THSD7B: variants seen among roughly 807,000 people sequenced by gnomAD.
THSD7B encodes thrombospondin type 1 domain containing 7B, also known as thrombospondin type-1 domain-containing protein 7B.
In THSD7B, 138 loss-of-function variants were observed where a neutral mutation model predicts 213.6. That is an observed-to-expected ratio of 0.65 (90% CI 0.56 to 0.74). THSD7B has a LOEUF of 0.74. Ranked by LOEUF, THSD7B falls within the 30% of genes least tolerant of loss-of-function variation. The pLI, the probability that THSD7B is intolerant of heterozygous loss-of-function variation, is 0.00. For missense variants in THSD7B, 1,931 were observed against 1,991.5 expected, an observed-to-expected ratio of 0.97 and a Z score of 0.58; for synonymous variants, 742 against 687.0, an observed-to-expected ratio of 1.08 and a Z score of -1.25.
At chr2:136,965,917 C>T (rs897137222) in intron 2 of THSD7B, among the ~76,000 whole-genome samples, 2 of 152,094 alleles carry the variant, frequency 1.3e-5, no homozygotes, top group Non-Finnish European at 2.9e-5. Flanking sequence ...TTTCCACTTT[C>T]CTAGATTGAG....
chr2:137,121,328 C>T (rs920068739), intron 5 of THSD7B, among the ~76,000 whole-genome samples: 1 of 152,102 alleles, frequency 6.6e-6, no homozygotes, highest in African/African-American at 2.4e-5. Flanking sequence ...GTAGAGGTTG[C>T]TCTGGGAAAA....
At chr2:137,610,988 T>TATA (rs1277675572) in intron 17 of THSD7B, among the ~76,000 whole-genome samples, 24 of 143,608 alleles carry the variant, frequency 1.7e-4, no homozygotes, top group African/African-American at 2.4e-4. Flanking sequence ...AAACTTAAAG[T>TATA]ATAATAATAA....
chr2:137,317,873 A>G (rs372795858), intron 12 of THSD7B, among the ~76,000 whole-genome samples: 29 of 152,290 alleles, frequency 1.9e-4, no homozygotes, highest in African/African-American at 5.1e-4. Flanking sequence ...GTAATGAGCT[A>G]TTATAGCACC....
At chr2:137,620,863 C>G in intron 20 of THSD7B, 137 bp downstream of exon 20, 1 of 669,734 alleles carries the variant, frequency 1.5e-6, no homozygotes, top group Non-Finnish European at 2.5e-6. Context: ...GGAAGAAAAA[C>G]AGAGCCTGGC....
chr2:136,782,054 T>G (rs551746211), intron 1 of THSD7B, among the ~76,000 whole-genome samples: 14 of 152,296 alleles, frequency 9.2e-5, no homozygotes, highest in South Asian at 8.3e-4. Flanking sequence ...TAATACAAAA[T>G]GCTGGTATGT....
intron 14 of THSD7B, among the ~76,000 whole-genome samples, chr2:137,426,003 C>T (rs1029691112): frequency 1.3e-5 from 2 of 152,088 alleles, no homozygotes; most frequent in African/African-American, 2.4e-5. Flanking sequence ...ACAAAATCAA[C>T]ATACAAAAAT....
intron 27 of THSD7B, among the ~76,000 whole-genome samples, chr2:137,672,037 T>A (rs1683589454): frequency 6.6e-6 from 1 of 152,080 alleles, no homozygotes; most frequent in Non-Finnish European, 1.5e-5. Context: ...GGAGTTTGGG[T>A]GGGGAGAGGT....
At chr2:136,833,546 C>CT (rs1682794873) in intron 1 of THSD7B, among the ~76,000 whole-genome samples, 1 of 149,488 alleles carries the variant, frequency 6.7e-6, no homozygotes, top group Admixed American at 6.7e-5. Flanking sequence ...TATGAAGGGT[C>CT]AAGTGTGGGT....
chr2:137,290,947 T>C (rs1683322199), intron 12 of THSD7B, among the ~76,000 whole-genome samples: 1 of 152,118 alleles, frequency 6.6e-6, no homozygotes, highest in Admixed American at 6.5e-5. Flanking sequence ...TACAAATCCA[T>C]CACACTTATG....
At chr2:136,906,218 G>A (rs1438300307) in intron 2 of THSD7B, among the ~76,000 whole-genome samples, 3 of 152,026 alleles carry the variant, frequency 2.0e-5, no homozygotes, top group African/African-American at 4.8e-5. Flanking sequence ...TCCAGATAAC[G>A]CTCAGTGTTC....
intron 2 of THSD7B, among the ~76,000 whole-genome samples, chr2:137,004,614 C>A (rs867698630): frequency 1.3e-5 from 2 of 152,260 alleles, no homozygotes; most frequent in South Asian, 4.1e-4. Flanking sequence ...TTCAAGAGAT[C>A]TATTTTTAAA....
Position 137,097,769 on chromosome 2 carries a change from G to GACACACACACAC in THSD7B, c.1199+2677_1199+2688dup, listed in dbSNP as rs3050089. On this transcript the variant is annotated intron_variant, in intron 4 of 27. Coordinates refer to ENST00000409968, the MANE Select transcript of THSD7B (RefSeq NM_001316349.2). Reference sequence around the variant, plus strand: ...ACTGTTTGAAAATGCCGCTAAGTTTGACACACACACACACACACACACACA... The same window carrying GACACACACACAC: ...ACTGTTTGAAAATGCCGCTAAGTTTGACACACACACACACACACACACACACACACACACACA... Among the ~76,000 whole-genome samples, 526 of 141,438 alleles carry GACACACACACAC rather than the reference G, an allele frequency of 3.7e-3. 3 individuals are homozygous for GACACACACACAC. The highest frequency in any genetic ancestry group is 7.3e-3 in the Admixed American group (102 of 13,952). The allele number at this position is 141,438 out of a possible 152,430, so 92.8% of individuals were successfully genotyped here. A position where few individuals can be genotyped will look rare whatever the true frequency, so the allele number is the denominator to read the frequency against.
At chr2:137,542,926 C>T (rs1680636251) in intron 15 of THSD7B, among the ~76,000 whole-genome samples, 1 of 151,732 alleles carries the variant, frequency 6.6e-6, no homozygotes, top group Non-Finnish European at 1.5e-5. Context: ...AGCAAATTAT[C>T]ACAACCTTAG....
intron 2 of THSD7B, among the ~76,000 whole-genome samples, chr2:136,941,190 CT>C (rs1235193873): frequency 2.6e-5 from 4 of 152,082 alleles, no homozygotes; most frequent in Admixed American, 6.6e-5. Flanking sequence ...TGAACTCATC[CT>C]TTTTTATGGC....
chr2:137,008,364 A>T (rs1416952565), intron 2 of THSD7B, among the ~76,000 whole-genome samples: 1 of 152,154 alleles, frequency 6.6e-6, no homozygotes, highest in Non-Finnish European at 1.5e-5. Context: ...AATAAGAAGG[A>T]AATCACTTTT....
At chr2:137,245,069 C>T (rs1681996040) in intron 10 of THSD7B, among the ~76,000 whole-genome samples, 1 of 152,224 alleles carries the variant, frequency 6.6e-6, no homozygotes, top group South Asian at 2.1e-4. Flanking sequence ...TCCTCCTCCT[C>T]GTCTCCCTCA....
chr2:137,297,023 T>A (rs1240391814), intron 12 of THSD7B, among the ~76,000 whole-genome samples: 1 of 151,780 alleles, frequency 6.6e-6, no homozygotes, highest in East Asian at 1.9e-4. Context: ...CTGCTTTTTT[T>A]ATTCTTATTA....
intron 15 of THSD7B, among the ~76,000 whole-genome samples, chr2:137,453,597 G>C (rs1451925680): frequency 6.6e-6 from 1 of 151,992 alleles, no homozygotes; most frequent in African/African-American, 2.4e-5. Flanking sequence ...CCAAAGTGCT[G>C]GGATTACAGG....
intron 17 of THSD7B, among the ~76,000 whole-genome samples, chr2:137,585,461 C>G (rs1329282029): frequency 1.3e-5 from 2 of 152,022 alleles, no homozygotes; most frequent in Admixed American, 1.3e-4. Context: ...TTCCTGCTTT[C>G]TCTTGTGGGC....
Sources: gnomAD v4.1 joint callset for allele counts (sites outside exome capture counted in the v4.1 genomes callset) on GRCh38, gnomAD v4.1.1 for gene constraint, MANE v1.5 for transcripts, NCBI Gene and HGNC (gene_info 2026-07-23, HGNC 2026-07-21) for gene names.